The following PCDHGA1 variants were observed in gnomAD, a reference collection of about 807,000 sequenced individuals.
PCDHGA1 encodes protocadherin gamma-A1.
Under a neutral mutation model 58.0 loss-of-function variants are expected in PCDHGA1, and 32 were observed. That is an observed-to-expected ratio of 0.55 (90% CI 0.42 to 0.74). The LOEUF (loss-of-function observed/expected upper bound fraction) is 0.74, where lower values mean the gene tolerates loss of function less well. Among genes scored for constraint, PCDHGA1 ranks in the 30% least tolerant of loss-of-function variants. PCDHGA1 has a pLI of 0.00. For missense variants in PCDHGA1, 1,205 were observed against 1,182.3 expected (o/e 1.02, Z -0.28); for synonymous variants, 498 against 501.1 (o/e 0.99, Z 0.08).
rs866190808 is a variant in PCDHGA1 at position 141,376,751 on chromosome 5, A to G, written c.2421+43646A>G. On this transcript the variant is annotated intron_variant, in intron 1 of 3. Transcript: ENST00000517417. ...CCGGACTGCGGACTGCAGTGGCGCA[A>G]TCTCGGCTCACTGCAAGCTCCGCTT... The G allele has an allele frequency of 1.3e-4, 58 of 460,324 alleles. 1 individual carries two copies. Among genetic ancestry groups the G allele is most frequent in the African/African-American group, 1.1e-3 (50 of 46,164 alleles). 28.5% of individuals were successfully genotyped at this position (460,324 alleles called of 1,614,324 possible).
chr5:141,424,195 A>C (rs2096804945), intron 1 of PCDHGA1: 1 of 183,680 alleles, frequency 5.4e-6, no homozygotes, highest in Non-Finnish European at 1.1e-5. Context: ...ACACACTTAT[A>C]CACGTAAGCT....
intron 1 of PCDHGA1, chr5:141,344,668 T>C: frequency 3.1e-6 from 5 of 1,614,008 alleles, no homozygotes; most frequent in Non-Finnish European, 4.2e-6. Flanking sequence ...CAGCTTGTCC[T>C]GGTTGCCTCT....
At chr5:141,441,196 G>C (rs575668023) in intron 1 of PCDHGA1, 2 of 152,266 alleles carry the variant, frequency 1.3e-5, no homozygotes, top group East Asian at 3.9e-4. Flanking sequence ...GATTCCCAAA[G>C]ATTCTGCACC....
intron 1 of PCDHGA1, chr5:141,398,802 C>A: frequency 6.2e-7 from 1 of 1,613,982 alleles, no homozygotes; most frequent in Non-Finnish European, 8.5e-7. Context: ...TAAGCGGCAC[C>A]ACTGAGCTCC....
chr5:141,413,385 A>C, intron 1 of PCDHGA1: 1 of 1,613,990 alleles, frequency 6.2e-7, no homozygotes, highest in South Asian at 1.1e-5. Flanking sequence ...GAGTCCGCAT[A>C]GTCTCCAGAG....
chr5:141,440,997 A>G (rs1191545127), intron 1 of PCDHGA1: 1 of 152,178 alleles, frequency 6.6e-6, no homozygotes, highest in East Asian at 1.9e-4. Context: ...ACCCATATCT[A>G]GTTTGGCCTT....
rs1312101699 is a variant in PCDHGA1 at position 141,421,245 on chromosome 5, G to C, written c.2422-73562G>C. ...AGCCTGCCATGGCGAATCGGCTACA[G>C]CGCGGGGACCGCAGTCGGCTGCTGC... On this transcript the variant is annotated intron_variant, in intron 1 of 3. Coordinates refer to ENST00000517417, the MANE Select transcript of PCDHGA1 (RefSeq NM_018912.3). 6.2e-7 allele frequency: 1 copy of C among 1,603,936 alleles called. No homozygotes were observed. The highest frequency in any genetic ancestry group is 8.5e-7 in the Non-Finnish European group (1 of 1,176,330).
chr5:141,481,762 G>A (rs1378950651), intron 1 of PCDHGA1, among the ~76,000 whole-genome samples: 3 of 152,126 alleles, frequency 2.0e-5, no homozygotes, highest in African/African-American at 2.4e-5. Flanking sequence ...GACCAGCCTG[G>A]CCAACATGGT....
intron 1 of PCDHGA1, chr5:141,414,150 A>C (rs750190499): frequency 6.2e-7 from 1 of 1,600,176 alleles, no homozygotes; most frequent in African/African-American, 1.3e-5. Context: ...AAATACAAGC[A>C]GAAGATGGAG....
At chr5:141,360,048 A>C in intron 1 of PCDHGA1, 2 of 1,434,382 alleles carry the variant, frequency 1.4e-6, no homozygotes, top group Non-Finnish European at 1.8e-6. Flanking sequence ...ACAGAAAACA[A>C]AAGCAGGAAA....
At chr5:141,456,214 G>C (rs552287407) in intron 1 of PCDHGA1, among the ~76,000 whole-genome samples, 8 of 152,136 alleles carry the variant, frequency 5.3e-5, no homozygotes, top group Non-Finnish European at 7.4e-5. Context: ...CCTCCCTGTG[G>C]CGATATCAAA....
In PCDHGA1 at chr5:141,390,133, A is replaced by G. The variant is rs1394678030; in HGVS notation, c.2421+57028A>G. ...AGCGAGGGGACTTTGCCTTATTCCT[A>G]CAATCTATGTGTTGCACATACAGGA... On this transcript the variant is annotated intron_variant, in intron 1 of 3. Coordinates refer to ENST00000517417, the MANE Select transcript of PCDHGA1 (RefSeq NM_018912.3). The G allele has an allele frequency of 3.1e-6, 5 of 1,614,040 alleles. No individual in the cohort carries two copies. The South Asian group carries it at 5.5e-5, about 18-fold the overall frequency.
chr5:141,468,330 CAA>C lies in PCDHGA1; in HGVS notation c.2422-26459_2422-26458del, dbSNP rs533390277. 202 of 79,822 alleles carry C rather than the reference CAA, an allele frequency of 2.5e-3. 2 individuals are homozygous for C. The highest frequency in any genetic ancestry group is 7.9e-3 in the Middle Eastern group (1 of 126). The allele number at this position is 79,822 out of a possible 1,614,324, so 4.9% of individuals were successfully genotyped here. Reference sequence around the variant, plus strand: ...ACAAGAGCAACGGTAAACTCCATCTCAAAAAAAAAAAAAAAAAAAGAAAGAAA... The same window carrying C: ...ACAAGAGCAACGGTAAACTCCATCTCAAAAAAAAAAAAAAAAAGAAAGAAA... On this transcript the variant is annotated intron_variant, in intron 1 of 3. Transcript: ENST00000517417.
intron 1 of PCDHGA1, chr5:141,389,833 C>T (rs1561628239): frequency 6.2e-7 from 1 of 1,613,996 alleles, no homozygotes; most frequent in East Asian, 2.2e-5. Flanking sequence ...GGTGGACAGC[C>T]ACCACTCTCG....
chr5:141,419,968 T>G lies in PCDHGA1; in HGVS notation c.2422-74839T>G, dbSNP rs766617414. ...CCTTGGCCTTGATTTCTGTGCTCTT[T>G]CTCCTCGCGGTGATTCTAGCTATTG... is the stretch of plus-strand genomic sequence containing the variant. On this transcript the variant is annotated intron_variant, in intron 1 of 3. Transcript: ENST00000517417. The G allele has an allele frequency of 6.2e-6, 10 of 1,614,036 alleles. No homozygotes were observed. The South Asian group carries it at 1.1e-4, about 18-fold the overall frequency.
chr5:141,495,721 G>A (rs2099763243), intron 2 of PCDHGA1, among the ~76,000 whole-genome samples: 1 of 152,100 alleles, frequency 6.6e-6, no homozygotes, highest in Non-Finnish European at 1.5e-5. Context: ...TAACTACACG[G>A]GACCCTTAGT....
At chr5:141,365,599 C>T (rs368039042) in intron 1 of PCDHGA1, 3 of 1,613,520 alleles carry the variant, frequency 1.9e-6, no homozygotes, top group Admixed American at 1.7e-5. Flanking sequence ...TCACTTTAAC[C>T]GTCATGGACC....
In PCDHGA1 at chr5:141,489,801, T is replaced by C. The variant is rs201458939; in HGVS notation, c.2422-5006T>C. 6.2e-7 allele frequency: 1 copy of C among 1,614,148 alleles called. No homozygotes were observed. On this transcript the variant is annotated intron_variant, in intron 1 of 3. Coordinates refer to ENST00000517417, the MANE Select transcript of PCDHGA1 (RefSeq NM_018912.3). The surrounding 1 kb of genome is among the most constrained non-coding windows in gnomAD (Gnocchi z 4.5). The stretch of plus-strand genomic sequence containing the variant: ...CTCTGAATGTGAAGACCCTAAAAGA[T>C]GGGAAGCCATTCCCAGAGCTGGTGC...
chr5:141,403,788 A>G, intron 1 of PCDHGA1: 3 of 1,613,956 alleles, frequency 1.9e-6, no homozygotes, highest in South Asian at 1.1e-5. Context: ...AAAGTGGCAT[A>G]CAAATTCTGG....
Sources: gnomAD v4.1 joint callset for allele counts (sites outside exome capture counted in the v4.1 genomes callset) on GRCh38, gnomAD v4.1.1 for gene constraint, Gnocchi (gnomAD v3.1) non-coding constraint, MANE v1.5 for transcripts, NCBI Gene and HGNC (gene_info 2026-07-23, HGNC 2026-07-21) for gene names.